Variants in ASAP1 observed in about 807,000 individuals in gnomAD.
The protein encoded by ASAP1 is arf-GAP with SH3 domain, ANK repeat and PH domain-containing protein 1.
Under a neutral mutation model 145.2 loss-of-function variants are expected in ASAP1, and 43 were observed. That is an observed-to-expected ratio of 0.30 (90% CI 0.23 to 0.38). ASAP1 has a LOEUF of 0.38. ASAP1 is among the 10% of genes least tolerant of loss of function. The probability of loss-of-function intolerance (pLI) is 1.00; values close to 1 mark genes in which losing one functional copy is unlikely to be tolerated. For missense variants in ASAP1, 1,018 were observed against 1,355.3 expected (o/e 0.75, Z 3.91); for synonymous variants, 546 against 515.5 (o/e 1.06, Z -0.80).
chr8:130,059,248 C>T (rs887544600), intron 28 of ASAP1, among the ~76,000 whole-genome samples: 3 of 151,828 alleles, frequency 2.0e-5, no homozygotes, highest in Non-Finnish European at 2.9e-5. Flanking sequence ...ACTGCAGCCT[C>T]GATCTCCAGG....
intron 1 of ASAP1, among the ~76,000 whole-genome samples, chr8:130,428,059 C>T (rs954735761): frequency 8.5e-5 from 13 of 152,096 alleles, no homozygotes; most frequent in Middle Eastern, 3.2e-3. Flanking sequence ...ACAAAGCACC[C>T]GCCCCACCAT....
chr8:130,235,882 T>C (rs2136661011), intron 4 of ASAP1, among the ~76,000 whole-genome samples: 1 of 152,264 alleles, frequency 6.6e-6, no homozygotes, highest in Non-Finnish European at 1.5e-5. Flanking sequence ...AATTTCATGA[T>C]GATAAAATTA....
intron 3 of ASAP1, among the ~76,000 whole-genome samples, chr8:130,244,674 G>C (rs1416271406): frequency 1.3e-5 from 2 of 152,150 alleles, no homozygotes; most frequent in African/African-American, 4.8e-5. Context: ...CACACCTTTG[G>C]AAGAGCAAAG....
intron 6 of ASAP1, 54 bp from the exon 7 acceptor site, chr8:130,187,339 TAA>T: frequency 7.1e-7 from 1 of 1,410,470 alleles, no homozygotes; most frequent in Non-Finnish European, 9.9e-7. Flanking sequence ...TGAAAATTAA[TAA>T]ATAGTTTTGA....
chr8:130,378,552 G>A (rs558808096), intron 2 of ASAP1, among the ~76,000 whole-genome samples: 1 of 152,372 alleles, frequency 6.6e-6, no homozygotes, highest in South Asian at 2.1e-4. Flanking sequence ...AACACGTGCA[G>A]GGAGGGATTG....
At chr8:130,229,326 A>G (rs1410843857) in intron 4 of ASAP1, among the ~76,000 whole-genome samples, 1 of 152,242 alleles carries the variant, frequency 6.6e-6, no homozygotes, top group African/African-American at 2.4e-5. Flanking sequence ...TTGTCATGGC[A>G]TGGTTGTTTT....
intron 3 of ASAP1, among the ~76,000 whole-genome samples, chr8:130,327,863 C>T (rs1240684621): frequency 6.6e-6 from 1 of 152,178 alleles, no homozygotes; most frequent in Admixed American, 6.5e-5. Context: ...GCATTGTATA[C>T]TTCAAATGGA....
rs369431376 is a variant in ASAP1, at chr8:130,107,542, G to T, written c.2401+4552C>A. On this transcript the variant is annotated intron_variant, in intron 24 of 29. Transcript: ENST00000518721. ...TGTATGTATGTATGTATGTATGTAT[G>T]TATGTATGTATGTATGTATTTTTGA... 7.8e-5 allele frequency among the ~76,000 whole-genome samples: 8 copies of T among 103,166 alleles called. 1 individual carries two copies. The highest frequency in any genetic ancestry group is 8.0e-4 in the South Asian group (2 of 2,488). 67.7% of individuals were successfully genotyped at this position (103,166 alleles called of 152,430 possible).
intron 3 of ASAP1, among the ~76,000 whole-genome samples, chr8:130,350,847 T>C (rs913592819): frequency 7.2e-5 from 11 of 152,196 alleles, no homozygotes; most frequent in African/African-American, 2.7e-4. Flanking sequence ...CAGACAGCCC[T>C]GAAGAAACTG....
intron 3 of ASAP1, among the ~76,000 whole-genome samples, chr8:130,266,494 TGGAAGCACCCCA>T: frequency 6.6e-6 from 1 of 152,132 alleles, no homozygotes; most frequent in East Asian, 1.9e-4. Flanking sequence ...AGTTTGGAGC[TGGAAGCACCCCA>T]GGAGAATCAA....
chr8:130,360,904 A>C (rs1826680697), intron 2 of ASAP1: 1 of 152,332 alleles, frequency 6.6e-6, no homozygotes, highest in South Asian at 2.1e-4. Context: ...GTCACTCTGC[A>C]TCTGGAAAAT....
At chr8:130,176,250 T>C (rs1458041019) in intron 9 of ASAP1, among the ~76,000 whole-genome samples, 1 of 152,186 alleles carries the variant, frequency 6.6e-6, no homozygotes, top group Non-Finnish European at 1.5e-5. Context: ...GGAACTGAAG[T>C]AAGTACTGAG....
chr8:130,214,647 T>C lies in ASAP1; in HGVS notation c.314A>G (p.Asn105Ser), dbSNP rs764589315. ...YAQVLDKFGS[N>S]FLSRDNPDLG... The stretch of plus-strand genomic sequence containing the variant: ...GTCGGGGTTGTCTCGACTTAAAAAA[T>C]TACTCCCAAACTTATCAAGAACTTG... Residue 105 changes from asparagine to serine, a missense_variant, in exon 5 of 30, where the codon AAT becomes AGT. Asn to Ser is a conservative substitution (Grantham distance 46, BLOSUM62 1). Around this residue, in one of 9 missense-constraint regions of ASAP1, gnomAD observed 106 missense variants for 134.5 expected, o/e 0.79. Coordinates refer to ENST00000518721, the MANE Select transcript of ASAP1 (RefSeq NM_018482.4). 1 of 1,611,278 alleles carries C rather than the reference T, an allele frequency of 6.2e-7. No individual in the cohort carries two copies. The highest frequency in any genetic ancestry group is 8.5e-7 in the Non-Finnish European group (1 of 1,178,454).
intron 2 of ASAP1, among the ~76,000 whole-genome samples, chr8:130,389,086 C>T (rs1006388296): frequency 3.2e-4 from 49 of 152,184 alleles, no homozygotes; most frequent in Non-Finnish European, 2.9e-5. Context: ...GCCTGGCTCA[C>T]GTTAAATGCT....
chr8:130,094,059 A>G (rs1214001168), intron 24 of ASAP1, among the ~76,000 whole-genome samples: 1 of 152,130 alleles, frequency 6.6e-6, no homozygotes, highest in Admixed American at 6.5e-5. Flanking sequence ...TCAACACTTA[A>G]TTAGGGTGTC....
chr8:130,333,585 C>A (rs1235823154), intron 3 of ASAP1, among the ~76,000 whole-genome samples: 1 of 152,080 alleles, frequency 6.6e-6, no homozygotes, highest in Non-Finnish European at 1.5e-5. Flanking sequence ...GCCTGGCCAA[C>A]CAGAGTGAAA....
intron 1 of ASAP1, among the ~76,000 whole-genome samples, chr8:130,442,197 A>G (rs1001947203): frequency 1.3e-5 from 2 of 152,216 alleles, no homozygotes; most frequent in African/African-American, 4.8e-5. Context: ...GAAGGCTGTG[A>G]CGCAAAGAAG....
intron 9 of ASAP1, among the ~76,000 whole-genome samples, chr8:130,174,822 T>C (rs78096171): frequency 0.022 from 3,381 of 152,328 alleles, 43 homozygotes; most frequent in Non-Finnish European, 0.031. Flanking sequence ...CATGTATCAA[T>C]ATTTCATTCA....
At chr8:130,442,592 T>A (rs1247832577) in intron 1 of ASAP1, among the ~76,000 whole-genome samples, 1 of 152,088 alleles carries the variant, frequency 6.6e-6, no homozygotes, top group Non-Finnish European at 1.5e-5. Context: ...CAAGATAACC[T>A]AACAGAGTAG....
Sources: allele counts gnomAD v4.1 joint callset (sites outside exome capture counted in the v4.1 genomes callset), GRCh38; gene constraint gnomAD v4.1.1; regional missense constraint gnomAD v4.1.1; transcripts MANE v1.5; gene names NCBI Gene and HGNC (gene_info 2026-07-23, HGNC 2026-07-21).